The following CLIP1 variants were observed in gnomAD, a reference collection of about 807,000 sequenced individuals.
The protein encoded by CLIP1 is CAP-Gly domain containing linker protein 1.
CLIP1 carries 66 observed loss-of-function variants against 161.6 expected under a neutral mutation model. That is an observed-to-expected ratio of 0.41 (90% CI 0.33 to 0.50). The LOEUF (loss-of-function observed/expected upper bound fraction) is 0.50. Ranked by LOEUF, CLIP1 falls within the 20% of genes least tolerant of loss-of-function variation. The probability of loss-of-function intolerance (pLI) is 0.27; values close to 1 mark genes in which losing one functional copy is unlikely to be tolerated. For missense variants in CLIP1, 1,376 were observed against 1,702.0 expected (o/e 0.81, Z 3.37); for synonymous variants, 598 against 626.2 (o/e 0.96, Z 0.67).
In CLIP1 at chr12:122,292,266, G is replaced by A. The variant is rs938084529; in HGVS notation, c.3595-3725C>T. Among the ~76,000 whole-genome samples the A allele has an allele frequency of 3.3e-5, 5 of 151,806 alleles. No homozygotes were observed. The South Asian group carries it at 8.3e-4, about 25-fold the overall frequency. On this transcript the variant is annotated intron_variant, in intron 20 of 25. Transcript: ENST00000620786. ...GATCTGCCCATCTTGGCCTCCCAAA[G>A]TACTGGGATTACAGGTGTGAGCCAC...
intron 20 of CLIP1, among the ~76,000 whole-genome samples, chr12:122,295,675 A>G (rs191026278): frequency 1.3e-5 from 2 of 152,328 alleles, no homozygotes; most frequent in African/African-American, 4.8e-5. Flanking sequence ...TCATCTCTGC[A>G]TAGTTGTTCT....
rs1347566601 is a variant in CLIP1 at position 122,328,126 on chromosome 12, C to G, written c.3070G>C (p.Glu1024Gln). The G allele has an allele frequency of 6.2e-7, 1 of 1,614,034 alleles. No individual in the cohort carries two copies. The highest frequency in any genetic ancestry group is 1.3e-5 in the African/African-American group (1 of 74,904). ...GCTCTCTCATACCTGGCTTTCAGCT[C>G]CTGACACTGGTTGTGGCTTGTTTCC... Reference protein sequence around the residue: ...KMETSHNQCQELKARYERATS... With the variant: ...KMETSHNQCQQLKARYERATS... The change falls in exon 17 of 26, where the codon GAG becomes CAG. Residue 1024 changes from glutamate (E) to glutamine (Q), a missense_variant. By Grantham distance (29) the Glu-to-Gln change is conservative. Transcript: ENST00000620786.
chr12:122,301,398 C>T (rs192301436), intron 20 of CLIP1, among the ~76,000 whole-genome samples: 14 of 152,310 alleles, frequency 9.2e-5, no homozygotes, highest in East Asian at 7.7e-4. Context: ...GGGTCGGGCG[C>T]GGCGGCTCAT....
chr12:122,320,500 G>C (rs1263371601), intron 17 of CLIP1, among the ~76,000 whole-genome samples: 1 of 151,874 alleles, frequency 6.6e-6, no homozygotes, highest in African/African-American at 2.4e-5. Context: ...CTAGCACTTT[G>C]GGAGGCCGAG....
chr12:122,273,533 G>A (rs1955262663), intron 25 of CLIP1, among the ~76,000 whole-genome samples: 2 of 151,098 alleles, frequency 1.3e-5, no homozygotes, highest in Admixed American at 1.3e-4. Context: ...TTACAGTCGT[G>A]GCCACCACGC....
At chr12:122,351,542 G>A (rs945274927) in intron 8 of CLIP1, among the ~76,000 whole-genome samples, 19 of 152,156 alleles carry the variant, frequency 1.2e-4, no homozygotes, top group Non-Finnish European at 2.6e-4. Context: ...TTTGTTAACT[G>A]TAAAGATACA....
At position 122,311,252 on chromosome 12, in the gene CLIP1, G is replaced by GT. The variant is rs1951052448; in HGVS notation, c.3474-1371dup. On this transcript the variant is annotated intron_variant, in intron 19 of 25. Coordinates refer to ENST00000620786, the MANE Select transcript of CLIP1 (RefSeq NM_001247997.2). The surrounding 1 kb of genome is among the most constrained non-coding windows in gnomAD (Gnocchi z 4.3). ...TCCCAGGTGGTCACTGCCTTCATGA[G>GT]TGGCTACATGGTGTCTGCATGTGTG... 6.6e-6 allele frequency among the ~76,000 whole-genome samples: 1 copy of GT among 151,932 alleles called. No homozygotes were observed. The highest frequency in any genetic ancestry group is 6.6e-5 in the Admixed American group (1 of 15,250).
At chr12:122,307,817 A>G (rs111378897) in intron 20 of CLIP1, among the ~76,000 whole-genome samples, 39 of 152,308 alleles carry the variant, frequency 2.6e-4, no homozygotes, top group African/African-American at 8.9e-4. Flanking sequence ...ATGGTCTATA[A>G]TCTTTCTTGG....
intron 20 of CLIP1, among the ~76,000 whole-genome samples, chr12:122,289,030 A>C (rs1396758533): frequency 2.7e-5 from 4 of 150,398 alleles, no homozygotes; most frequent in Non-Finnish European, 3.0e-5. Context: ...CTTAGCCAGG[A>C]TGGTCTCGAT....
At chr12:122,284,421 C>T (rs550046578) in intron 21 of CLIP1, among the ~76,000 whole-genome samples, 36 of 151,670 alleles carry the variant, frequency 2.4e-4, no homozygotes, top group Non-Finnish European at 3.4e-4. Flanking sequence ...GGCGCGATCT[C>T]GGCGCACTGC....
chr12:122,307,032 C>CA (rs1421976047), intron 20 of CLIP1, among the ~76,000 whole-genome samples: 8 of 98,956 alleles, frequency 8.1e-5, no homozygotes, highest in African/African-American at 3.0e-4. Context: ...TTTTTTGAGA[C>CA]AGAGTCTCAC....
At chr12:122,357,245 C>T (rs1953456332) in intron 5 of CLIP1, among the ~76,000 whole-genome samples, 3 of 151,448 alleles carry the variant, frequency 2.0e-5, no homozygotes, top group African/African-American at 7.3e-5. Context: ...CGCCTCTGCC[C>T]CGCTGCCCCA....
chr12:122,321,582 G>A (rs1951506246), intron 17 of CLIP1, among the ~76,000 whole-genome samples: 1 of 152,016 alleles, frequency 6.6e-6, no homozygotes, highest in Non-Finnish European at 1.5e-5. Context: ...GCAATGGCAT[G>A]ATCTCGGTTT....
intron 1 of CLIP1, 72 bp from the exon 2 acceptor site, chr12:122,380,630 G>T: frequency 2.3e-6 from 1 of 433,350 alleles, no homozygotes; most frequent in Non-Finnish European, 4.1e-6. Context: ...AGCTTTCATA[G>T]ACTAAAGCTT....
chr12:122,316,954 G>T, intron 18 of CLIP1, 99 bp from the exon 19 acceptor site: 2 of 721,896 alleles, frequency 2.8e-6, no homozygotes, highest in Non-Finnish European at 4.4e-6. Flanking sequence ...AAAGACAGAT[G>T]AAATTAGTCA....
intron 19 of CLIP1, among the ~76,000 whole-genome samples, chr12:122,313,103 A>G (rs1165824572): frequency 2.0e-5 from 3 of 152,172 alleles, no homozygotes; most frequent in African/African-American, 7.2e-5. Flanking sequence ...GCCAGCTTCC[A>G]TGGAACGCTA....
intron 1 of CLIP1, among the ~76,000 whole-genome samples, chr12:122,405,112 TAA>T (rs1050901173): frequency 6.6e-6 from 1 of 152,180 alleles, no homozygotes; most frequent in African/African-American, 2.4e-5. Context: ...TATTGAATAT[TAA>T]AGTCACTCAG....
Position 122,309,817 on chromosome 12 carries a change from A to G in CLIP1, c.3539T>C (p.Val1180Ala). Residue 1180 changes from valine (V) to alanine (A), a missense_variant, in exon 20 of 26, where the codon GTT (valine) becomes GCT (alanine). Transcript: ENST00000620786. ...QQLSALQEEN[V>A]KLAEELGRSR... is the part of the protein sequence containing the mutation. ...TCTCCCCAGCTCCTCAGCAAGTTTA[A>G]CGTTCTCTTCTTGCAACGCTGAAAG... The G allele has an allele frequency of 1.2e-6, 2 of 1,613,644 alleles. No individual in the cohort carries two copies. The highest frequency in any genetic ancestry group is 2.2e-5 in the South Asian group (2 of 91,040).
In CLIP1 at chr12:122,355,406, G is replaced by C. The variant is rs972839769; in HGVS notation, c.1006-94C>G. 1 of 1,139,882 alleles carries C rather than the reference G, an allele frequency of 8.8e-7. No individual in the cohort carries two copies. The highest frequency in any genetic ancestry group is 2.4e-5 in the East Asian group (1 of 41,002). The allele number at this position is 1,139,882 out of a possible 1,614,324, so 70.6% of individuals were successfully genotyped here. A position where few individuals can be genotyped will look rare whatever the true frequency, so the allele number is the denominator to read the frequency against. On this transcript the variant is annotated intron_variant, in intron 5 of 25. Transcript: ENST00000620786. The surrounding 1 kb of genome is among the most constrained non-coding windows in gnomAD (Gnocchi z 4.1). ...GCATGGCGGGCATCTGCTCGGCAAAGCAAGGGCGCTGCTCCAGCTGGCAGG... is the reference window on the plus strand; with the variant it reads ...GCATGGCGGGCATCTGCTCGGCAAACCAAGGGCGCTGCTCCAGCTGGCAGG...
Sources: allele counts gnomAD v4.1 joint callset (sites outside exome capture counted in the v4.1 genomes callset), GRCh38; gene constraint gnomAD v4.1.1; non-coding constraint Gnocchi (gnomAD v3.1); transcripts MANE v1.5; gene names NCBI Gene and HGNC (gene_info 2026-07-23, HGNC 2026-07-21).